The following ILF2 variants were observed in gnomAD, a reference collection of about 807,000 sequenced individuals.
The protein encoded by ILF2 is interleukin enhancer-binding factor 2.
A neutral mutation model predicts 55.3 loss-of-function variants in ILF2; 9 were observed. The observed-to-expected ratio is 0.16, with a 90% confidence interval of 0.10 to 0.28. The LOEUF is 0.28. ILF2 is among the 10% of genes least tolerant of loss of function. ILF2 has a pLI of 1.00. For missense variants in ILF2, 266 were observed against 474.9 expected (o/e 0.56, Z 4.09); for synonymous variants, 151 against 161.8 (o/e 0.93, Z 0.50).
At chr1:153,664,516 T>C (rs1485582229) in intron 8 of ILF2, 42 bp from the exon 9 acceptor site, 2 of 1,463,636 alleles carry the variant, frequency 1.4e-6, no homozygotes, top group Non-Finnish European at 1.9e-6. Flanking sequence ...AACATTTTCA[T>C]TAAACAAGCT....
intron 3 of ILF2, among the ~76,000 whole-genome samples, chr1:153,669,577 A>G (rs1669393046): frequency 6.6e-6 from 1 of 152,080 alleles, no homozygotes; most frequent in Non-Finnish European, 1.5e-5. Flanking sequence ...CAGCCTCCCA[A>G]GTAGCTGGGA....
Position 153,662,176 on chromosome 1 carries a change from G to A in ILF2, c.*220C>T. 2.0e-6 allele frequency: 1 copy of A among 510,618 alleles called. No individual in the cohort carries two copies. 31.6% of individuals were successfully genotyped at this position (510,618 alleles called of 1,614,324 possible). On this transcript the variant is annotated 3_prime_UTR_variant, in exon 14 of 14. Transcript: ENST00000361891. ...AGATTATAGAATATTAGGAAGAAAT[G>A]TTGGTATCCTCCATTATAGATGGAT...
At chr1:153,662,590 G>T in intron 13 of ILF2, 34 bp from the exon 14 acceptor site, 1 of 1,594,276 alleles carries the variant, frequency 6.3e-7, no homozygotes, top group Non-Finnish European at 8.6e-7. Flanking sequence ...TAGACGAGTA[G>T]CCCAGCATAA....
chr1:153,664,560 G>A (rs1269432410), intron 8 of ILF2, 86 bp from the exon 9 acceptor site: 80 of 1,072,402 alleles, frequency 7.5e-5, no homozygotes, highest in Non-Finnish European at 1.4e-6. Flanking sequence ...TAAAAACTTG[G>A]AAGGAGGGCA....
At chr1:153,667,306 T>C in intron 6 of ILF2, 1 of 549,534 alleles carries the variant, frequency 1.8e-6, no homozygotes. Context: ...GGTGAAACCC[T>C]GTATCTACAA....
rs532320548 is a variant in ILF2, at chr1:153,669,112, G to A, written c.109-555C>T. On this transcript the variant is annotated intron_variant, in intron 3 of 13. Coordinates refer to ENST00000361891, the MANE Select transcript of ILF2 (RefSeq NM_004515.4). ...TAATCCCAACTACTCAGGAGGCTGA[G>A]GCAGGAGAATCGTTTGAACCCTGGA... 2.0e-5 allele frequency among the ~76,000 whole-genome samples: 3 copies of A among 152,128 alleles called. No homozygotes were observed. The South Asian group carries it at 6.2e-4, about 32-fold the overall frequency.
At chr1:153,667,056 AG>A (rs1669327379) in intron 6 of ILF2, among the ~76,000 whole-genome samples, 2 of 152,238 alleles carry the variant, frequency 1.3e-5, no homozygotes. Flanking sequence ...CAGGAGGTGG[AG>A]GTTGCAGTGA....
chr1:153,664,587 G>A (rs771475286), intron 8 of ILF2, 113 bp from the exon 9 acceptor site: 18 of 835,142 alleles, frequency 2.2e-5, no homozygotes, highest in East Asian at 5.1e-5. Flanking sequence ...ACGGAGTCTC[G>A]CTCTGTTGTC....
chr1:153,662,447 T>C lies in ILF2; in HGVS notation c.1122A>G (p.Thr374=). 6.2e-7 allele frequency: 1 copy of C among 1,613,276 alleles called. No homozygotes were observed. Among genetic ancestry groups the C allele is most frequent in the Non-Finnish European group, 8.5e-7 (1 of 1,179,214 alleles). ...KKEGEEEEEN[T]EEPPQGEEEE... ...CTTCCTCTCCTTGAGGTGGTTCTTC[T>C]GTATTCTCCTCTTCTTCCTCTCCTT... Residue 374 remains threonine, a synonymous_variant, in exon 14 of 14, where the codon ACA becomes ACG. Coordinates refer to ENST00000361891, the MANE Select transcript of ILF2 (RefSeq NM_004515.4).
chr1:153,662,583 A>T, intron 13 of ILF2, 27 bp from the exon 14 acceptor site: 1 of 1,603,068 alleles, frequency 6.2e-7, no homozygotes, highest in Non-Finnish European at 8.5e-7. Context: ...GGTGATTTAG[A>T]CGAGTAGCCC....
At chr1:153,665,114 A>G in intron 8 of ILF2, 106 bp downstream of exon 8, 1 of 722,292 alleles carries the variant, frequency 1.4e-6, no homozygotes, top group South Asian at 1.6e-5. Context: ...TTCAATTCCC[A>G]GGAAGCTGCA....
intron 3 of ILF2, 30 bp downstream of exon 3, chr1:153,669,806 A>C: frequency 6.4e-7 from 1 of 1,573,112 alleles, no homozygotes; most frequent in African/African-American, 1.3e-5. Flanking sequence ...AGTGACCAGA[A>C]AATGTGTATC....
chr1:153,665,466 A>G, intron 7 of ILF2, 130 bp from the exon 8 acceptor site: 1 of 769,110 alleles, frequency 1.3e-6, no homozygotes, highest in South Asian at 1.6e-5. Context: ...TTTAGAATAC[A>G]GAGCTTTAGA....
chr1:153,667,423 G>C (rs1016950429), intron 6 of ILF2, 132 bp downstream of exon 6: 1 of 715,734 alleles, frequency 1.4e-6, no homozygotes. Context: ...AGGCTGCAGT[G>C]AGCTACAATG....
chr1:153,668,045 GTTTATT>G lies in ILF2; in HGVS notation c.240_245del (p.Lys80_Ile81del). 1 of 1,611,380 alleles carries G rather than the reference GTTTATT, an allele frequency of 6.2e-7. No individual in the cohort carries two copies. Among genetic ancestry groups the G allele is most frequent in the Non-Finnish European group, 8.5e-7 (1 of 1,178,796 alleles). On this transcript the variant is annotated inframe_deletion, in exon 5 of 14. Coordinates refer to ENST00000361891, the MANE Select transcript of ILF2 (RefSeq NM_004515.4). ...CCACAATCAGATTATCAATCACATT[GTTTATT>G]TTTGTCACCAGAGAAAGGATAGATG...
chr1:153,667,277 AG>A, intron 6 of ILF2: 1 of 494,394 alleles, frequency 2.0e-6, no homozygotes, highest in Non-Finnish European at 3.6e-6. Flanking sequence ...CAGGAGTTTG[AG>A]ACCAGCCCGA....
At chr1:153,668,343 G>T (rs1669359881) in intron 4 of ILF2, 110 bp downstream of exon 4, 2 of 1,337,806 alleles carry the variant, frequency 1.5e-6, no homozygotes, top group Non-Finnish European at 2.1e-6. Context: ...TAAACCCTTT[G>T]TGGATTTCAG....
rs188995167 is a variant in ILF2 at position 153,668,632 on chromosome 1, C to T, written c.109-75G>A. ...GGAGAGATTGTTTTTTCTATTACTA[C>T]GACAGAAAAAGGTTAAAAACAGAAA... On this transcript the variant is annotated intron_variant, in intron 3 of 13. Transcript: ENST00000361891. 1.1e-4 allele frequency: 160 copies of T among 1,484,324 alleles called. No individual in the cohort carries two copies. In the East Asian group the frequency reaches 1.9e-3, roughly 17 times the overall value. The allele number at this position is 1,484,324 out of a possible 1,614,324, so 91.9% of individuals were successfully genotyped here. A position where few individuals can be genotyped will look rare whatever the true frequency, so the allele number is the denominator to read the frequency against.
Position 153,667,985 on chromosome 1 carries a change from T to C in ILF2, c.291+15A>G. On this transcript the variant is annotated intron_variant, in intron 5 of 13. Transcript: ENST00000361891. Reference sequence around the variant, plus strand: ...AAAGCTGCCCTTTCCTAAAACTAAATCATCAAAAACTCACCACTTCAAATG... The same window carrying C: ...AAAGCTGCCCTTTCCTAAAACTAAACCATCAAAAACTCACCACTTCAAATG... 6.3e-7 allele frequency: 1 copy of C among 1,585,702 alleles called. No individual in the cohort carries two copies. The highest frequency in any genetic ancestry group is 8.6e-7 in the Non-Finnish European group (1 of 1,162,122).
Sources: gnomAD v4.1 joint callset for allele counts (sites outside exome capture counted in the v4.1 genomes callset) on GRCh38, gnomAD v4.1.1 for gene constraint, MANE v1.5 for transcripts, NCBI Gene and HGNC (gene_info 2026-07-23, HGNC 2026-07-21) for gene names.